GADL1: variants seen among roughly 807,000 people sequenced by gnomAD.
GADL1 encodes the protein acidic amino acid decarboxylase GADL1.
GADL1 carries 71 observed loss-of-function variants against 69.5 expected under a neutral mutation model. The ratio of observed to expected loss-of-function variants is 1.02; its 90% CI spans 0.84 to 1.25. The LOEUF (loss-of-function observed/expected upper bound fraction) is 1.25, where lower values mean the gene tolerates loss of function less well. Among genes scored for constraint, GADL1 ranks in the 50% most tolerant of loss-of-function variants. The probability of loss-of-function intolerance (pLI) is 0.00; values close to 1 mark genes in which losing one functional copy is unlikely to be tolerated. For synonymous variants in GADL1, 254 were observed against 214.4 expected (o/e 1.18, Z -1.62); for missense variants, 737 against 631.8 (o/e 1.17, Z -1.79).
chr3:30,857,176 A>AC, intron 2 of GADL1, 35 bp from the exon 3 acceptor site: 1 of 1,544,476 alleles, frequency 6.5e-7, no homozygotes, highest in Non-Finnish European at 8.8e-7. Flanking sequence ...TTGAGTATCC[A>AC]CCATAGCCAG....
chr3:30,805,072 C>A (rs746339633), intron 11 of GADL1, among the ~76,000 whole-genome samples: 1 of 152,324 alleles, frequency 6.6e-6, no homozygotes, highest in African/African-American at 2.4e-5. Flanking sequence ...CAACACCTAA[C>A]CTAGCGCACA....
rs188373692 is a variant in GADL1 at position 30,796,604 on chromosome 3, G to A, written c.1250+4285C>T. On this transcript the variant is annotated intron_variant, in intron 12 of 14. Coordinates refer to ENST00000282538, the MANE Select transcript of GADL1 (RefSeq NM_207359.3). Reference sequence around the variant, plus strand: ...TCTTTTTGATCTTAAACTTGAACCCGAAAGAATATAGATCTGACACTCTTT... The same window carrying A: ...TCTTTTTGATCTTAAACTTGAACCCAAAAGAATATAGATCTGACACTCTTT... Among the ~76,000 whole-genome samples, 14 of 152,134 alleles carry A rather than the reference G, an allele frequency of 9.2e-5. No individual in the cohort carries two copies. The East Asian group carries it at 2.3e-3, about 25-fold the overall frequency.
chr3:30,814,982 A>C (rs76964803), intron 11 of GADL1, among the ~76,000 whole-genome samples: 1 of 141,562 alleles, frequency 7.1e-6, no homozygotes, highest in African/African-American at 2.8e-5. Flanking sequence ...AAAAAAAAAA[A>C]TTTTTTTCAT....
intron 13 of GADL1, among the ~76,000 whole-genome samples, 184 bp from the exon 14 acceptor site, chr3:30,778,452 A>C (rs1375814338): frequency 1.3e-5 from 2 of 152,054 alleles, no homozygotes; most frequent in East Asian, 3.8e-4. Context: ...AAAATTTTCT[A>C]CTCCATAGCG....
At position 30,727,274 on chromosome 3, in the gene GADL1, A is replaced by C. The variant is rs1449690009; in HGVS notation, c.*968T>G. The C allele has an allele frequency of 6.6e-6, 1 of 151,012 alleles. No homozygotes were observed. Among genetic ancestry groups the C allele is most frequent in the South Asian group, 2.1e-4 (1 of 4,812 alleles). 9.4% of individuals were successfully genotyped at this position (151,012 alleles called of 1,614,324 possible). On this transcript the variant is annotated 3_prime_UTR_variant, in exon 15 of 15. Coordinates refer to ENST00000282538, the MANE Select transcript of GADL1 (RefSeq NM_207359.3). The stretch of plus-strand genomic sequence containing the variant: ...AAGAAAACCTTCCAGTTGTCTACCA[A>C]GAAAAAACTAATATGGATATTACAT...
chr3:30,753,321 C>T (rs1289360230), intron 14 of GADL1, among the ~76,000 whole-genome samples: 6 of 152,262 alleles, frequency 3.9e-5, no homozygotes, highest in Admixed American at 1.3e-4. Flanking sequence ...AATTCTTCCT[C>T]AAAACCATGT....
At chr3:30,831,708 A>T (rs1697795774) in intron 11 of GADL1, among the ~76,000 whole-genome samples, 1 of 151,938 alleles carries the variant, frequency 6.6e-6, no homozygotes, top group Admixed American at 6.6e-5. Context: ...ATGCTCTCGT[A>T]TAAAATTATT....
intron 11 of GADL1, among the ~76,000 whole-genome samples, chr3:30,830,975 G>C (rs1643783738): frequency 7.2e-6 from 1 of 139,312 alleles, no homozygotes; most frequent in South Asian, 2.2e-4. Flanking sequence ...GATAATAATT[G>C]ATAATTGAGC....
intron 9 of GADL1, among the ~76,000 whole-genome samples, chr3:30,837,802 T>A (rs1697898332): frequency 6.6e-6 from 1 of 152,072 alleles, no homozygotes; most frequent in African/African-American, 2.4e-5. Context: ...TGCTTCTAAG[T>A]CTATAAAAAT....
intron 11 of GADL1, among the ~76,000 whole-genome samples, chr3:30,830,599 T>C (rs1269804624): frequency 1.3e-5 from 2 of 151,910 alleles, no homozygotes; most frequent in Non-Finnish European, 1.5e-5. Flanking sequence ...GCTAAAGTTT[T>C]TCAGGGCTAA....
intron 14 of GADL1, among the ~76,000 whole-genome samples, chr3:30,755,532 A>G (rs1289690120): frequency 6.6e-6 from 1 of 152,196 alleles, no homozygotes; most frequent in African/African-American, 2.4e-5. Context: ...GGCCTGTCCT[A>G]GGAGGGCTAT....
At chr3:30,741,760 A>G (rs375307439) in intron 14 of GADL1, among the ~76,000 whole-genome samples, 2 of 152,194 alleles carry the variant, frequency 1.3e-5, no homozygotes, top group East Asian at 1.9e-4. Flanking sequence ...AATGAGGTAA[A>G]TTTAAAAAAT....
At position 30,850,843 on chromosome 3, in the gene GADL1, A is replaced by C. The variant is rs1351410456; in HGVS notation, c.527T>G (p.Phe176Cys). 1 of 1,541,706 alleles carries C rather than the reference A, an allele frequency of 6.5e-7. No individual in the cohort carries two copies. Among genetic ancestry groups the C allele is most frequent in the Non-Finnish European group, 8.8e-7 (1 of 1,138,102 alleles). ...TAACTAATTGTACTCACCTGGGTTA[A>C]ATATTCCATCCCCTTCTTTCCAGCC... Reference protein sequence around the residue: ...FIGWKEGDGIFNPGGSVSNMY... With the variant: ...FIGWKEGDGICNPGGSVSNMY... Residue 176 changes from phenylalanine to cysteine, a missense_variant, in exon 5 of 15, where the codon TTT becomes TGT. Phe to Cys is a radical substitution (Grantham distance 205). Transcript: ENST00000282538.
intron 2 of GADL1, among the ~76,000 whole-genome samples, chr3:30,858,951 A>G (rs915489883): frequency 5.9e-5 from 9 of 151,940 alleles, no homozygotes; most frequent in Non-Finnish European, 1.3e-4. Flanking sequence ...CATAACCAAG[A>G]AGAAAGAATG....
chr3:30,850,892 G>A lies in GADL1; in HGVS notation c.478C>T (p.Leu160=), dbSNP rs1158955288. 6.4e-7 allele frequency: 1 copy of A among 1,550,498 alleles called. No homozygotes were observed. The highest frequency in any genetic ancestry group is 8.7e-7 in the Non-Finnish European group (1 of 1,146,132). The change falls in exon 5 of 15, where the codon CTG becomes TTG. Residue 160 remains leucine, a synonymous_variant. Transcript: ENST00000282538. ...CCAATAAATTCAATCATTTTCTTCA[G>A]AACCGCTTCTTCCACTAACAGAAAC... ...PVFLLVEEAV[L]KKMIEFIGWK...
At chr3:30,798,982 A>G (rs1417100043) in intron 12 of GADL1, 1 of 152,252 alleles carries the variant, frequency 6.6e-6, no homozygotes, top group African/African-American at 2.4e-5. Context: ...GGGTTCCCAT[A>G]GCCTTTGGCA....
chr3:30,776,334 G>A (rs934359798), intron 14 of GADL1, among the ~76,000 whole-genome samples: 7 of 152,116 alleles, frequency 4.6e-5, no homozygotes, highest in African/African-American at 1.7e-4. Context: ...AAAAATGTCA[G>A]CCACATCCCA....
chr3:30,886,558 G>A (rs577992090), intron 1 of GADL1, among the ~76,000 whole-genome samples: 1 of 152,242 alleles, frequency 6.6e-6, no homozygotes, highest in East Asian at 1.9e-4. Flanking sequence ...TCTGACAAAG[G>A]GGCATCATTG....
At chr3:30,842,215 A>G (rs1321920534) in intron 8 of GADL1, among the ~76,000 whole-genome samples, 2 of 152,218 alleles carry the variant, frequency 1.3e-5, no homozygotes, top group African/African-American at 4.8e-5. Context: ...GGAAATTTTA[A>G]TATACACTGA....
Sources: allele counts gnomAD v4.1 joint callset (sites outside exome capture counted in the v4.1 genomes callset), GRCh38; gene constraint gnomAD v4.1.1; transcripts MANE v1.5; gene names NCBI Gene and HGNC (gene_info 2026-07-23, HGNC 2026-07-21).